HOMER1: variants seen among roughly 807,000 people sequenced by gnomAD.
HOMER1 encodes the protein homer protein homolog 1.
A neutral mutation model predicts 48.9 loss-of-function variants in HOMER1; 3 were observed. The ratio of observed to expected loss-of-function variants is 0.06; its 90% CI spans 0.03 to 0.16. HOMER1 has a LOEUF of 0.16. HOMER1 is among the 10% of genes least tolerant of loss of function. The probability of loss-of-function intolerance (pLI) is 1.00; values close to 1 mark genes in which losing one functional copy is unlikely to be tolerated. For synonymous variants in HOMER1, 134 were observed against 146.4 expected (o/e 0.92, Z 0.61); for missense variants, 247 against 411.4 (o/e 0.60, Z 3.46).
intron 2 of HOMER1, among the ~76,000 whole-genome samples, chr5:79,451,556 CTTTTTTTTTTTTTT>C (rs71615542): frequency 3.1e-5 from 2 of 64,630 alleles, no homozygotes; most frequent in Admixed American, 4.5e-4. Flanking sequence ...AAATATGACA[CTTTTTTTTTTTTTT>C]TTTTTTTTTT....
intron 5 of HOMER1, among the ~76,000 whole-genome samples, chr5:79,426,274 T>A (rs962721930): frequency 3.9e-5 from 6 of 152,040 alleles, no homozygotes; most frequent in African/African-American, 1.4e-4. Context: ...TGCTGGGATA[T>A]CTAAAAGAAA....
intron 8 of HOMER1, among the ~76,000 whole-genome samples, chr5:79,379,113 T>TATATATATATATATATAA (rs1554056111): frequency 1.1e-5 from 1 of 87,738 alleles, no homozygotes; most frequent in African/African-American, 4.9e-5. Context: ...TATATATATA[T>TATATATATATATATATAA]AAAATATATA....
intron 8 of HOMER1, among the ~76,000 whole-genome samples, chr5:79,391,584 A>G (rs1301222605): frequency 6.6e-6 from 1 of 151,870 alleles, no homozygotes; most frequent in East Asian, 1.9e-4. Flanking sequence ...CTCTGCTAAA[A>G]AAATGCAAAA....
At chr5:79,508,840 A>G (rs1040330067) in intron 1 of HOMER1, among the ~76,000 whole-genome samples, 13 of 152,336 alleles carry the variant, frequency 8.5e-5, no homozygotes, top group Admixed American at 8.5e-4. Context: ...CCCAACTTCC[A>G]AAGTATAAAC....
intron 8 of HOMER1, among the ~76,000 whole-genome samples, chr5:79,387,392 G>A (rs1438834102): frequency 6.6e-6 from 1 of 152,040 alleles, no homozygotes; most frequent in Non-Finnish European, 1.5e-5. Flanking sequence ...GCCTCCCAAA[G>A]TACTGGGATT....
intron 1 of HOMER1, among the ~76,000 whole-genome samples, chr5:79,471,551 G>GAAA (rs55724615): frequency 0.013 from 1,239 of 96,894 alleles, 1 homozygote; most frequent in Non-Finnish European, 0.017. Flanking sequence ...CCATCTCAAA[G>GAAA]AAAAAAAAAA....
At chr5:79,381,390 A>C (rs1040374825) in intron 8 of HOMER1, among the ~76,000 whole-genome samples, 4 of 152,236 alleles carry the variant, frequency 2.6e-5, no homozygotes, top group Non-Finnish European at 4.4e-5. Context: ...AGTTGGCAGA[A>C]GTGACTGTTA....
intron 8 of HOMER1, among the ~76,000 whole-genome samples, chr5:79,381,331 T>C (rs988302697): frequency 6.6e-6 from 1 of 152,222 alleles, no homozygotes; most frequent in African/African-American, 2.4e-5. Flanking sequence ...TCCAATAGCG[T>C]AGATACATCT....
intron 8 of HOMER1, among the ~76,000 whole-genome samples, chr5:79,396,321 T>C (rs2112212979): frequency 6.6e-6 from 1 of 151,390 alleles, no homozygotes; most frequent in South Asian, 2.1e-4. Context: ...AATAATAATG[T>C]TCCCAAATTG....
chr5:79,458,844 C>T (rs1751241011), intron 1 of HOMER1, among the ~76,000 whole-genome samples: 1 of 152,180 alleles, frequency 6.6e-6, no homozygotes, highest in African/African-American at 2.4e-5. Context: ...GGGAATACGT[C>T]TTATTCATTC....
intron 5 of HOMER1, among the ~76,000 whole-genome samples, chr5:79,414,066 C>T (rs966168889): frequency 3.3e-5 from 5 of 151,914 alleles, no homozygotes; most frequent in African/African-American, 1.2e-4. Context: ...CAGATGTTTA[C>T]ATTGTTCTGT....
chr5:79,510,914 A>C, intron 1 of HOMER1: 1 of 636,838 alleles, frequency 1.6e-6, no homozygotes, highest in East Asian at 2.5e-5. Flanking sequence ...CTATCTGCCA[A>C]CGTGAGGACA....
At chr5:79,451,841 G>A (rs1016889214) in intron 2 of HOMER1, among the ~76,000 whole-genome samples, 15 of 152,006 alleles carry the variant, frequency 9.9e-5, no homozygotes, top group African/African-American at 3.4e-4. Context: ...GATTACAGGC[G>A]TGAGCCACTG....
chr5:79,414,334 A>T (rs1218300787), intron 5 of HOMER1, among the ~76,000 whole-genome samples: 2 of 151,000 alleles, frequency 1.3e-5, no homozygotes, highest in Non-Finnish European at 2.9e-5. Context: ...GACTCAAGCG[A>T]TCCACCCTCC....
intron 1 of HOMER1, among the ~76,000 whole-genome samples, chr5:79,509,523 C>CT (rs1188681445): frequency 2.0e-5 from 3 of 152,162 alleles, no homozygotes; most frequent in Non-Finnish European, 4.4e-5. Flanking sequence ...CTAACAGGGG[C>CT]TCCTCACTGA....
chr5:79,385,306 A>C, intron 8 of HOMER1, among the ~76,000 whole-genome samples: 1 of 152,276 alleles, frequency 6.6e-6, no homozygotes, highest in South Asian at 2.1e-4. Context: ...GGAAACAACA[A>C]AGAGACAACC....
chr5:79,450,055 C>T (rs1441435927), intron 3 of HOMER1, among the ~76,000 whole-genome samples: 1 of 152,024 alleles, frequency 6.6e-6, no homozygotes, highest in Non-Finnish European at 1.5e-5. Context: ...TAAATATAAA[C>T]ACTGTATATC....
At chr5:79,379,352 TTA>T (rs1289880488) in intron 8 of HOMER1, among the ~76,000 whole-genome samples, 1 of 104,444 alleles carries the variant, frequency 9.6e-6, no homozygotes, top group Non-Finnish European at 1.8e-5. Context: ...ATTTTATATA[TTA>T]TATAAATATT....
At chr5:79,481,552 G>A (rs1224750952) in intron 1 of HOMER1, among the ~76,000 whole-genome samples, 1 of 152,178 alleles carries the variant, frequency 6.6e-6, no homozygotes, top group East Asian at 1.9e-4. Flanking sequence ...GCTGAACACA[G>A]GTGAGCTGCA....
Sources: gnomAD v4.1 joint callset for allele counts (sites outside exome capture counted in the v4.1 genomes callset) on GRCh38, gnomAD v4.1.1 for gene constraint, MANE v1.5 for transcripts, NCBI Gene and HGNC (gene_info 2026-07-23, HGNC 2026-07-21) for gene names.